DLG2: variants seen among roughly 807,000 people sequenced by gnomAD.
DLG2 encodes the protein discs large MAGUK scaffold protein 2.
DLG2 carries 45 observed loss-of-function variants against 132.5 expected under a neutral mutation model. The ratio of observed to expected loss-of-function variants is 0.34; its 90% CI spans 0.27 to 0.44. DLG2 has a LOEUF of 0.44. DLG2 is among the 20% of genes least tolerant of loss of function. The pLI is 1.00. For synonymous variants in DLG2, 424 were observed against 419.6 expected (o/e 1.01, Z -0.13); for missense variants, 1,045 against 1,196.9 (o/e 0.87, Z 1.87).
At chr11:85,626,945 A>G (rs1448028578) in intron 1 of DLG2, among the ~76,000 whole-genome samples, 192 bp from the exon 2 acceptor site, 1 of 152,236 alleles carries the variant, frequency 6.6e-6, no homozygotes, top group African/African-American at 2.4e-5. Flanking sequence ...CTCTTCAGGC[A>G]GCAACATTTT....
chr11:85,346,930 G>A (rs189076796), intron 3 of DLG2, among the ~76,000 whole-genome samples: 1 of 152,196 alleles, frequency 6.6e-6, no homozygotes, highest in African/African-American at 2.4e-5. Context: ...ACACAGCCAG[G>A]AAATATGGAA....
intron 18 of DLG2, among the ~76,000 whole-genome samples, chr11:83,769,470 G>T (rs949008980): frequency 1.1e-3 from 165 of 152,156 alleles, no homozygotes; most frequent in African/African-American, 3.8e-3. Context: ...AACACAAGAT[G>T]CTGAGATAGC....
intron 6 of DLG2, among the ~76,000 whole-genome samples, chr11:84,858,058 A>C (rs2154026846): frequency 6.6e-6 from 1 of 152,002 alleles, no homozygotes; most frequent in Admixed American, 6.6e-5. Flanking sequence ...ACAGCTGGCT[A>C]ATTTTTGTAT....
intron 7 of DLG2, among the ~76,000 whole-genome samples, chr11:84,470,084 T>C (rs2099104768): frequency 6.6e-6 from 1 of 151,754 alleles, no homozygotes; most frequent in African/African-American, 2.4e-5. Context: ...CAAGGTATAG[T>C]AAAAGTGTGA....
At chr11:84,745,311 A>T (rs1350223251) in intron 6 of DLG2, among the ~76,000 whole-genome samples, 3 of 152,148 alleles carry the variant, frequency 2.0e-5, no homozygotes, top group Non-Finnish European at 4.4e-5. Context: ...CCATTCTGTT[A>T]GTGCTGTTCT....
rs1555355434 is a variant in DLG2, at chr11:83,718,548, A to AAAG, written c.1825+68141_1825+68142insCTT. ...TCAAAAAAAGAAAAAAAAAAAAAAA[A>AAAG]AAAGAAAGAAAAAAAGAAATATCCC... On this transcript the variant is annotated intron_variant, in intron 18 of 27. Transcript: ENST00000376104. 1.2e-4 allele frequency among the ~76,000 whole-genome samples: 18 copies of AAAG among 151,064 alleles called. No homozygotes were observed. The South Asian group carries it at 1.9e-3, about 16-fold the overall frequency.
intron 6 of DLG2, among the ~76,000 whole-genome samples, chr11:84,916,398 G>A (rs2092473913): frequency 7.3e-6 from 1 of 137,462 alleles, no homozygotes; most frequent in African/African-American, 2.6e-5. Flanking sequence ...AAAATGGCAT[G>A]GTAATTACTT....
At chr11:83,890,689 G>T (rs1189858885) in intron 15 of DLG2, among the ~76,000 whole-genome samples, 2 of 152,174 alleles carry the variant, frequency 1.3e-5, no homozygotes, top group African/African-American at 4.8e-5. Context: ...AAATAAAGCA[G>T]TGTATGTAAA....
chr11:83,465,000 C>T (rs115217758), intron 26 of DLG2, among the ~76,000 whole-genome samples: 3,389 of 151,974 alleles, frequency 0.022, 107 homozygotes, highest in African/African-American at 0.074. Context: ...GTGCAATGCC[C>T]GACATAGTAT....
rs181348445 is a variant in DLG2 at position 84,859,396 on chromosome 11, A to G, written c.357+252265T>C. ...TACACATATATATGCATACATATAT[A>G]TGTATATATACATATATATGTATAC... On this transcript the variant is annotated intron_variant, in intron 6 of 27. Coordinates refer to ENST00000376104, the MANE Select transcript of DLG2 (RefSeq NM_001142699.3). Among the ~76,000 whole-genome samples the G allele has an allele frequency of 5.8e-3, 840 of 145,194 alleles. 6 individuals are homozygous for G. Among genetic ancestry groups the G allele is most frequent in the South Asian group, 0.02 (97 of 4,740 alleles).
intron 12 of DLG2, among the ~76,000 whole-genome samples, chr11:83,971,956 A>G (rs562751048): frequency 3.9e-5 from 6 of 152,294 alleles, no homozygotes; most frequent in South Asian, 2.1e-4. Flanking sequence ...TCAGAAATGA[A>G]TATGTATGTC....
intron 19 of DLG2, among the ~76,000 whole-genome samples, chr11:83,563,565 T>C (rs1419099118): frequency 1.3e-5 from 2 of 152,112 alleles, no homozygotes; most frequent in East Asian, 1.9e-4. Context: ...GACTGAAGAG[T>C]ACAATCGTGT....
chr11:83,914,008 T>A (rs61538850), intron 15 of DLG2, among the ~76,000 whole-genome samples: 2,161 of 152,282 alleles, frequency 0.014, 37 homozygotes, highest in South Asian at 0.068. Context: ...GGAGATAATA[T>A]GGAAAGACTG....
intron 7 of DLG2, among the ~76,000 whole-genome samples, chr11:84,357,108 T>G (rs1049376202): frequency 6.6e-6 from 1 of 152,018 alleles, no homozygotes; most frequent in African/African-American, 2.4e-5. Flanking sequence ...AGATTTTACC[T>G]GAGACTGAGA....
chr11:83,887,763 G>A (rs1412473797), intron 15 of DLG2, among the ~76,000 whole-genome samples: 1 of 149,970 alleles, frequency 6.7e-6, no homozygotes, highest in Non-Finnish European at 1.5e-5. Context: ...GATCAAGTGG[G>A]CTTCATCCCT....
chr11:84,268,437 A>G (rs1056094355), intron 7 of DLG2, among the ~76,000 whole-genome samples: 2 of 149,218 alleles, frequency 1.3e-5, no homozygotes. Flanking sequence ...TAACTATGTG[A>G]CTGTGGGAAA....
At chr11:84,965,463 T>C (rs566283689) in intron 6 of DLG2, among the ~76,000 whole-genome samples, 98 of 152,144 alleles carry the variant, frequency 6.4e-4, no homozygotes, top group African/African-American at 2.2e-3. Context: ...TATCTGAAGA[T>C]AGAAACTGTG....
At chr11:84,146,091 G>C (rs2095070103) in intron 9 of DLG2, among the ~76,000 whole-genome samples, 1 of 152,124 alleles carries the variant, frequency 6.6e-6, no homozygotes, top group African/African-American at 2.4e-5. Flanking sequence ...TTGCAGACCT[G>C]TCCCTAGTCA....
chr11:84,224,135 T>G (rs2096956666), intron 8 of DLG2, among the ~76,000 whole-genome samples: 1 of 152,188 alleles, frequency 6.6e-6, no homozygotes, highest in South Asian at 2.1e-4. Context: ...TAACTGGCTA[T>G]AAGGTTATGA....
Sources: gnomAD v4.1 joint callset for allele counts (sites outside exome capture counted in the v4.1 genomes callset) on GRCh38, gnomAD v4.1.1 for gene constraint, MANE v1.5 for transcripts, NCBI Gene and HGNC (gene_info 2026-07-23, HGNC 2026-07-21) for gene names.